Variants in SORBS2 observed in about 807,000 individuals in gnomAD.
The protein encoded by SORBS2 is sorbin and SH3 domain containing 2.
In SORBS2, 46 loss-of-function variants were observed where a neutral mutation model predicts 97.7. The observed-to-expected ratio is 0.47, with a 90% CI of 0.37 to 0.60. The LOEUF is 0.60. Among genes scored for constraint, SORBS2 ranks in the 20% least tolerant of loss-of-function variants. The probability of loss-of-function intolerance (pLI) is 0.00; values close to 1 mark genes in which losing one functional copy is unlikely to be tolerated. For missense variants in SORBS2, 1,316 were observed against 1,282.3 expected (o/e 1.03, Z -0.40); for synonymous variants, 476 against 473.4 (o/e 1.01, Z -0.07).
At chr4:185,730,947 A>T (rs1429221424) in intron 2 of SORBS2, among the ~76,000 whole-genome samples, 1 of 152,176 alleles carries the variant, frequency 6.6e-6, no homozygotes, top group African/African-American at 2.4e-5. Context: ...TTAAAAAACC[A>T]ATGGTATCTA....
At chr4:185,663,052 G>A (rs543558847) in intron 4 of SORBS2, among the ~76,000 whole-genome samples, 2 of 152,320 alleles carry the variant, frequency 1.3e-5, no homozygotes, top group Non-Finnish European at 2.9e-5. Flanking sequence ...TATTCTGATG[G>A]AACTGAATCG....
At chr4:185,756,405 C>T (rs1043898671) in intron 2 of SORBS2, among the ~76,000 whole-genome samples, 6 of 152,128 alleles carry the variant, frequency 3.9e-5, no homozygotes, top group Non-Finnish European at 8.8e-5. Flanking sequence ...TCACAAAATT[C>T]ACTCTTCTGT....
chr4:185,846,814 AG>A, intron 1 of SORBS2, among the ~76,000 whole-genome samples: 1 of 152,138 alleles, frequency 6.6e-6, no homozygotes, highest in East Asian at 1.9e-4. Context: ...TTTGGGAGAG[AG>A]GGGGAAGGGG....
intron 1 of SORBS2, among the ~76,000 whole-genome samples, chr4:185,936,758 C>A (rs1164013729): frequency 6.6e-6 from 1 of 151,896 alleles, no homozygotes; most frequent in Admixed American, 6.5e-5. Flanking sequence ...ATGCAATTTA[C>A]AGAAGATTTC....
intron 2 of SORBS2, among the ~76,000 whole-genome samples, chr4:185,696,971 C>A (rs1479438949): frequency 6.6e-6 from 1 of 152,126 alleles, no homozygotes; most frequent in African/African-American, 2.4e-5. Flanking sequence ...AAGTCAGGCA[C>A]CTTATCAAAG....
At chr4:185,812,653 T>C (rs188744877) in intron 1 of SORBS2, among the ~76,000 whole-genome samples, 1 of 149,666 alleles carries the variant, frequency 6.7e-6, no homozygotes, top group East Asian at 2.0e-4. Context: ...TGTTTTTAAA[T>C]GATAATCTTA....
In SORBS2 at chr4:185,587,694, A is replaced by T; in HGVS notation, c.2954-6T>A. ...TTTGGTTCTTCTTGAGGTCCCTGAAAATAGAAGCGAGTCATGAAAGGGGGG... is the reference window on the plus strand; with the variant it reads ...TTTGGTTCTTCTTGAGGTCCCTGAATATAGAAGCGAGTCATGAAAGGGGGG... On this transcript the variant is annotated splice_polypyrimidine_tract_variant and splice_region_variant and intron_variant, in intron 14 of 14. Transcript: ENST00000418609. 1 of 1,611,106 alleles carries T rather than the reference A, an allele frequency of 6.2e-7. No homozygotes were observed. The highest frequency in any genetic ancestry group is 8.5e-7 in the Non-Finnish European group (1 of 1,177,876).
intron 1 of SORBS2, among the ~76,000 whole-genome samples, chr4:185,829,202 C>T (rs1007831116): frequency 6.6e-6 from 1 of 152,124 alleles, no homozygotes; most frequent in Non-Finnish European, 1.5e-5. Context: ...TGCTGTTGGG[C>T]CCCTCTATAC....
intron 4 of SORBS2, 84 bp from the exon 14 acceptor site, chr4:185,639,119 G>A (rs937803335): frequency 1.3e-5 from 16 of 1,272,798 alleles, no homozygotes; most frequent in African/African-American, 1.6e-5. Flanking sequence ...AGCGCGCTGT[G>A]CCTGCGTTAG....
intron 5 of SORBS2, among the ~76,000 whole-genome samples, chr4:185,628,019 T>A (rs1346620199): frequency 1.3e-5 from 2 of 152,196 alleles, no homozygotes; most frequent in Non-Finnish European, 2.9e-5. Context: ...AGCTCATTTC[T>A]TTGTATTGCT....
At chr4:185,641,176 A>G (rs545189232) in intron 4 of SORBS2, among the ~76,000 whole-genome samples, 19 of 152,342 alleles carry the variant, frequency 1.2e-4, no homozygotes, top group Middle Eastern at 6.8e-3. Flanking sequence ...ACCATCTTGC[A>G]TCATACCTTA....
At chr4:185,806,489 G>C (rs1186147991) in intron 1 of SORBS2, among the ~76,000 whole-genome samples, 1 of 115,488 alleles carries the variant, frequency 8.7e-6, no homozygotes, top group Non-Finnish European at 1.6e-5. Context: ...ACGGAGTCTC[G>C]CTCTGTCGCC....
Position 185,684,935 on chromosome 4 carries a change from T to C in SORBS2, c.-197-6113A>G. The C allele has an allele frequency of 2.1e-6, 2 of 970,948 alleles. No homozygotes were observed. Among genetic ancestry groups the C allele is most frequent in the Non-Finnish European group, 1.6e-6 (1 of 630,882 alleles). 60.1% of individuals were successfully genotyped at this position (970,948 alleles called of 1,614,324 possible). On this transcript the variant is annotated intron_variant, in intron 2 of 20. Coordinates refer to the SORBS2 transcript ENST00000284776. The surrounding 1 kb of genome is among the most constrained non-coding windows in gnomAD (Gnocchi z 4.2). Reference sequence around the variant, plus strand: ...CGTTTTAAGAGAAATGTGCCAGACATCCATGAGAAAGATGAACAGTTAGAA... The same window carrying C: ...CGTTTTAAGAGAAATGTGCCAGACACCCATGAGAAAGATGAACAGTTAGAA...
At chr4:185,716,665 C>A (rs2098467666) in intron 2 of SORBS2, among the ~76,000 whole-genome samples, 1 of 152,180 alleles carries the variant, frequency 6.6e-6, no homozygotes, top group Non-Finnish European at 1.5e-5. Flanking sequence ...ACATTTGCTT[C>A]TTTACTCCAC....
chr4:185,765,554 TA>T (rs1438308861), intron 2 of SORBS2, among the ~76,000 whole-genome samples: 3 of 152,200 alleles, frequency 2.0e-5, no homozygotes, highest in Non-Finnish European at 4.4e-5. Flanking sequence ...CACCTTTGCA[TA>T]AAAATTATCA....
At chr4:185,677,458 T>C (rs1240027216) in intron 4 of SORBS2, 4 of 1,552,114 alleles carry the variant, frequency 2.6e-6, no homozygotes, top group Admixed American at 3.9e-5. Context: ...GAATATACAA[T>C]TGTCTGTCTC....
At chr4:185,645,334 A>G (rs1269150807) in intron 4 of SORBS2, among the ~76,000 whole-genome samples, 1 of 152,182 alleles carries the variant, frequency 6.6e-6, no homozygotes, top group African/African-American at 2.4e-5. Context: ...GAGTAGCATG[A>G]TACTCAATCA....
chr4:185,598,900 G>A (rs896825926), intron 12 of SORBS2, among the ~76,000 whole-genome samples: 2 of 152,026 alleles, frequency 1.3e-5, no homozygotes, highest in African/African-American at 2.4e-5. Flanking sequence ...AAAACCTTAA[G>A]GGGAACACAA....
intron 1 of SORBS2, among the ~76,000 whole-genome samples, chr4:185,882,794 A>G (rs1445299684): frequency 6.6e-6 from 1 of 152,236 alleles, no homozygotes; most frequent in Non-Finnish European, 1.5e-5. Flanking sequence ...CATCTATGCC[A>G]ATTGATTATT....
Sources: gnomAD v4.1 joint callset for allele counts (sites outside exome capture counted in the v4.1 genomes callset) on GRCh38, gnomAD v4.1.1 for gene constraint, Gnocchi (gnomAD v3.1) non-coding constraint, MANE v1.5 for transcripts, NCBI Gene and HGNC (gene_info 2026-07-23, HGNC 2026-07-21) for gene names.